The following KCNJ15 variants were observed in gnomAD, a reference collection of about 807,000 sequenced individuals.
KCNJ15 encodes the protein potassium inwardly rectifying channel subfamily J member 15, also known as ATP-sensitive inward rectifier potassium channel 15.
Under a neutral mutation model 23.0 loss-of-function variants are expected in KCNJ15, and 14 were observed. That is an observed-to-expected ratio of 0.61 (90% CI 0.40 to 0.95). KCNJ15 has a LOEUF of 0.95. Ranked by LOEUF, KCNJ15 falls within the 40% of genes least tolerant of loss-of-function variation. The pLI is 0.00. For missense variants in KCNJ15, 388 were observed against 461.8 expected, an observed-to-expected ratio of 0.84 and a Z score of 1.46; for synonymous variants, 185 against 183.2, an observed-to-expected ratio of 1.01 and a Z score of -0.08.
chr21:38,276,228 AC>A (rs1005939420), intron 1 of KCNJ15, among the ~76,000 whole-genome samples: 3 of 152,006 alleles, frequency 2.0e-5, no homozygotes, highest in African/African-American at 7.2e-5. Flanking sequence ...TCTCACCTTT[AC>A]GTATTTCAAA....
intron 1 of KCNJ15, among the ~76,000 whole-genome samples, chr21:38,264,687 A>G (rs1056029546): frequency 1.3e-5 from 2 of 152,214 alleles, no homozygotes; most frequent in Non-Finnish European, 2.9e-5. Context: ...AAATATGTGT[A>G]TGTGAAAATG....
At chr21:38,268,550 G>GAAAAAAAAAAAAAAAAAAAAAAAAAAA (rs576709021) in intron 1 of KCNJ15, among the ~76,000 whole-genome samples, 1 of 47,236 alleles carries the variant, frequency 2.1e-5, no homozygotes, top group Non-Finnish European at 5.1e-5. Flanking sequence ...CTTAAAATCT[G>GAAAAAAAAAAAAAAAAAAAAAAAAAAA]AAAAAAAAAA....
At chr21:38,280,906 A>C (rs1186629745) in intron 1 of KCNJ15, among the ~76,000 whole-genome samples, 3 of 152,274 alleles carry the variant, frequency 2.0e-5, no homozygotes, top group East Asian at 3.9e-4. Context: ...TGCTTGCTAT[A>C]ACCATCCATG....
At chr21:38,235,223 T>G (rs1361901486) in intron 1 of KCNJ15, among the ~76,000 whole-genome samples, 2 of 152,172 alleles carry the variant, frequency 1.3e-5, no homozygotes, top group Non-Finnish European at 2.9e-5. Flanking sequence ...ACAAACTGCT[T>G]TGAGATTTAA....
At chr21:38,277,413 A>C (rs1253463603) in intron 1 of KCNJ15, among the ~76,000 whole-genome samples, 3 of 152,226 alleles carry the variant, frequency 2.0e-5, no homozygotes, top group Non-Finnish European at 4.4e-5. Context: ...GGGGCGAGTC[A>C]AATTAAATGA....
intron 1 of KCNJ15, among the ~76,000 whole-genome samples, chr21:38,245,848 T>TCAGC (rs1979340883): frequency 6.6e-6 from 1 of 152,176 alleles, no homozygotes; most frequent in African/African-American, 2.4e-5. Context: ...AACCATTAGT[T>TCAGC]CAGCCCAGTT....
At chr21:38,284,751 A>T (rs1251401619) in intron 1 of KCNJ15, among the ~76,000 whole-genome samples, 1 of 152,102 alleles carries the variant, frequency 6.6e-6, no homozygotes, top group Non-Finnish European at 1.5e-5. Context: ...CCTTGCTCCT[A>T]CCTGACACTG....
chr21:38,230,319 T>G (rs1988697397), intron 1 of KCNJ15, among the ~76,000 whole-genome samples: 1 of 152,148 alleles, frequency 6.6e-6, no homozygotes. Flanking sequence ...GACAAGTTGT[T>G]TCTCTTCTTT....
intron 1 of KCNJ15, among the ~76,000 whole-genome samples, chr21:38,279,616 G>A (rs1209950820): frequency 6.6e-6 from 1 of 152,142 alleles, no homozygotes; most frequent in Non-Finnish European, 1.5e-5. Context: ...GGAGTGGTGA[G>A]CTGAGAGGTT....
rs1223568740 is a variant in KCNJ15 at position 38,303,849 on chromosome 21, A to T, written c.*3460A>T. On this transcript the variant is annotated 3_prime_UTR_variant, in exon 3 of 3. Coordinates refer to ENST00000398938, the MANE Select transcript of KCNJ15 (RefSeq NM_170736.3). ...ACTCTAGCATTATTCTGTCTCCCTT[A>T]TTTGAGTCTTCAATATATATGCCCA... is the stretch of plus-strand genomic sequence containing the variant. The T allele has an allele frequency of 6.6e-6, 1 of 152,148 alleles. No individual in the cohort carries two copies. The highest frequency in any genetic ancestry group is 2.4e-5 in the African/African-American group (1 of 41,426). 9.4% of individuals were successfully genotyped at this position (152,148 alleles called of 1,614,324 possible).
In KCNJ15 at chr21:38,245,519, C is replaced by G. The variant is rs1979303246; in HGVS notation, c.-398-11527C>G. Among the ~76,000 whole-genome samples, 5 of 149,606 alleles carry G rather than the reference C, an allele frequency of 3.3e-5. No homozygotes were observed. In the South Asian group the frequency reaches 6.3e-4, roughly 19 times the overall value. On this transcript the variant is annotated intron_variant, in intron 1 of 4. Coordinates refer to the KCNJ15 transcript ENST00000547341. ...CCTCTTCATAAGACTGTATCTGAAACCAGGATACGAGATCCTTATAAGTAA... is the reference window on the plus strand; with the variant it reads ...CCTCTTCATAAGACTGTATCTGAAAGCAGGATACGAGATCCTTATAAGTAA...
At chr21:38,246,634 T>G (rs925800305) in intron 1 of KCNJ15, among the ~76,000 whole-genome samples, 1 of 152,190 alleles carries the variant, frequency 6.6e-6, no homozygotes, top group Non-Finnish European at 1.5e-5. Context: ...TTTTAATTTT[T>G]AAAAAAGAGG....
chr21:38,282,344 T>C (rs1258755678), intron 1 of KCNJ15, among the ~76,000 whole-genome samples: 1 of 152,132 alleles, frequency 6.6e-6, no homozygotes, highest in Non-Finnish European at 1.5e-5. Context: ...TGATGGTCAG[T>C]GTACTGGGGA....
At chr21:38,250,377 T>C (rs1356647556) in intron 1 of KCNJ15, among the ~76,000 whole-genome samples, 1 of 152,094 alleles carries the variant, frequency 6.6e-6, no homozygotes, top group African/African-American at 2.4e-5. Flanking sequence ...ATGTTACAAA[T>C]GAGGACGTTA....
intron 1 of KCNJ15, among the ~76,000 whole-genome samples, chr21:38,233,788 A>G (rs1227554688): frequency 1.3e-5 from 2 of 152,088 alleles, no homozygotes; most frequent in African/African-American, 2.4e-5. Flanking sequence ...ATGCAAGTAA[A>G]ATATAGACAC....
rs376443264 is a variant in KCNJ15 at position 38,299,344 on chromosome 21, G to A, written c.83G>A (p.Arg28His). 151 of 1,614,064 alleles carry A rather than the reference G, an allele frequency of 9.4e-5. No homozygotes were observed. Among genetic ancestry groups the A allele is most frequent in the Non-Finnish European group, 1.1e-4 (133 of 1,180,034 alleles). Residue 28 changes from arginine to histidine, a missense_variant, in exon 3 of 3, where the codon CGC (arginine) becomes CAC (histidine). By Grantham distance (29) the Arg-to-His change is conservative (BLOSUM62 0). Transcript: ENST00000398938. This position sits in a 1 kb window ranked among gnomAD's most constrained non-coding sequence, Gnocchi z 4.5. ...AGAGLKANRPRVMSKSGHSNV... is the reference protein window; with the variant it reads ...AGAGLKANRPHVMSKSGHSNV... ...GCTGGGCTCAAGGCCAACAGACCCCGCGTCATGTCCAAGAGTGGGCACAGC... is the reference window on the plus strand; with the variant it reads ...GCTGGGCTCAAGGCCAACAGACCCCACGTCATGTCCAAGAGTGGGCACAGC...
At chr21:38,263,550 T>C in intron 1 of KCNJ15, among the ~76,000 whole-genome samples, 1 of 152,230 alleles carries the variant, frequency 6.6e-6, no homozygotes, top group East Asian at 1.9e-4. Context: ...TGAATCCAAG[T>C]TGTACATCCA....
chr21:38,275,655 A>T (rs1982610533), intron 1 of KCNJ15, among the ~76,000 whole-genome samples: 1 of 151,848 alleles, frequency 6.6e-6, no homozygotes, highest in Non-Finnish European at 1.5e-5. Context: ...TTCTGATTTT[A>T]TTGTCCTGTG....
At chr21:38,294,730 C>G (rs1353833311) in intron 1 of KCNJ15, among the ~76,000 whole-genome samples, 1 of 151,880 alleles carries the variant, frequency 6.6e-6, no homozygotes, top group African/African-American at 2.4e-5. Context: ...AGCTAAGTAC[C>G]TTTTTCAATG....
Sources: allele counts gnomAD v4.1 joint callset (sites outside exome capture counted in the v4.1 genomes callset), GRCh38; gene constraint gnomAD v4.1.1; non-coding constraint Gnocchi (gnomAD v3.1); transcripts MANE v1.5; gene names NCBI Gene and HGNC (gene_info 2026-07-23, HGNC 2026-07-21).